Variants in NELL1 observed in about 807,000 individuals in gnomAD.
NELL1 encodes the protein neural EGFL like 1.
In NELL1, 76 loss-of-function variants were observed where a neutral mutation model predicts 107.4. That is an observed-to-expected ratio of 0.71 (90% CI 0.59 to 0.86). The LOEUF (loss-of-function observed/expected upper bound fraction) is 0.86, where lower values mean the gene tolerates loss of function less well. Ranked by LOEUF, NELL1 falls within the 40% of genes least tolerant of loss-of-function variation. The pLI, the probability that NELL1 is intolerant of heterozygous loss-of-function variation, is 0.00. For synonymous variants in NELL1, 353 were observed against 341.2 expected (o/e 1.03, Z -0.38); for missense variants, 1,024 against 1,005.5 (o/e 1.02, Z -0.25).
At chr11:21,256,328 A>G (rs1366412275) in intron 14 of NELL1, among the ~76,000 whole-genome samples, 2 of 152,066 alleles carry the variant, frequency 1.3e-5, no homozygotes, top group Non-Finnish European at 2.9e-5. Flanking sequence ...TAAATGCTAC[A>G]TTTAGTGGAT....
At chr11:21,573,049 G>C in intron 18 of NELL1, 136 bp from the exon 19 acceptor site, 3 of 673,778 alleles carry the variant, frequency 4.5e-6, no homozygotes, top group Non-Finnish European at 5.1e-6. Flanking sequence ...AGGAGGAAGT[G>C]TACTTTATCC....
chr11:21,544,721 G>A (rs944750097), intron 16 of NELL1, among the ~76,000 whole-genome samples: 1 of 151,656 alleles, frequency 6.6e-6, no homozygotes, highest in Non-Finnish European at 1.5e-5. Context: ...AAATGTATTT[G>A]GTCATATAAC....
rs3834446 is a variant in NELL1, at chr11:21,113,573, A to AT, written c.1301-8dup. On this transcript the variant is annotated splice_polypyrimidine_tract_variant and intron_variant, in intron 12 of 19. Coordinates refer to ENST00000357134, the MANE Select transcript of NELL1 (RefSeq NM_006157.5). ...TATTTTGCTAACCATGATCTTACTT[A>AT]TTTTTTTTCCTTCAGATATTGATGA... The AT allele has an allele frequency of 1.5e-4, 247 of 1,602,500 alleles. No individual in the cohort carries two copies. The East Asian group carries it at 3.7e-3, about 24-fold the overall frequency.
intron 4 of NELL1, among the ~76,000 whole-genome samples, chr11:20,852,941 A>G (rs993090742): frequency 2.6e-5 from 4 of 152,210 alleles, no homozygotes; most frequent in Non-Finnish European, 5.9e-5. Context: ...GTATTGCTAG[A>G]TTCCTGGTAG....
At chr11:20,925,315 C>T (rs56076989) in intron 7 of NELL1, among the ~76,000 whole-genome samples, 48,881 of 151,932 alleles carry the variant, frequency 0.32, 8,112 homozygotes, top group Admixed American at 0.42. Context: ...GAGTATCGCT[C>T]TGTTGCCCAG....
chr11:20,879,805 A>T (rs1170497348), intron 4 of NELL1, among the ~76,000 whole-genome samples: 1 of 152,226 alleles, frequency 6.6e-6, no homozygotes, highest in African/African-American at 2.4e-5. Context: ...AATTTTGAGT[A>T]ATTTACATAG....
chr11:20,890,395 G>A (rs949986621), intron 5 of NELL1, among the ~76,000 whole-genome samples: 4 of 152,066 alleles, frequency 2.6e-5, no homozygotes, highest in African/African-American at 9.7e-5. Context: ...ACAAACTCAC[G>A]AAGATGAGAA....
chr11:21,471,839 A>C (rs530117051), intron 15 of NELL1, among the ~76,000 whole-genome samples: 4 of 152,134 alleles, frequency 2.6e-5, no homozygotes, highest in Non-Finnish European at 5.9e-5. Flanking sequence ...GCATACATGC[A>C]TGCATACACA....
intron 16 of NELL1, among the ~76,000 whole-genome samples, chr11:21,547,294 T>C (rs571274792): frequency 6.6e-6 from 1 of 151,900 alleles, no homozygotes; most frequent in Admixed American, 6.6e-5. Context: ...AGCCTGATTA[T>C]AGATGTGGTC....
At chr11:21,377,646 T>C (rs981924922) in intron 15 of NELL1, among the ~76,000 whole-genome samples, 5 of 152,054 alleles carry the variant, frequency 3.3e-5, no homozygotes, top group African/African-American at 1.2e-4. Flanking sequence ...CTAGTAGAAT[T>C]TGACTGTGAA....
At chr11:21,529,006 C>T (rs1252935668) in intron 15 of NELL1, among the ~76,000 whole-genome samples, 1 of 151,704 alleles carries the variant, frequency 6.6e-6, no homozygotes, top group Non-Finnish European at 1.5e-5. Context: ...GGAAAAGGGT[C>T]TCTCATAATA....
At chr11:20,892,835 A>T (rs1391183459) in intron 5 of NELL1, among the ~76,000 whole-genome samples, 2 of 151,652 alleles carry the variant, frequency 1.3e-5, no homozygotes, top group Non-Finnish European at 2.9e-5. Context: ...AGGCTGAGAC[A>T]GGAGAATCGC....
Position 21,302,513 on chromosome 11 carries a change from G to C in NELL1, c.1550-68340G>C, listed in dbSNP as rs118045671. 1.2e-4 allele frequency among the ~76,000 whole-genome samples: 18 copies of C among 151,984 alleles called. No individual in the cohort carries two copies. In the East Asian group the frequency reaches 3.5e-3, roughly 30 times the overall value. ...CAGTTATGAAATTAAACTTAAAAAA[G>C]AATCTACATGAAAGGTGGGCTCATT... On this transcript the variant is annotated intron_variant, in intron 14 of 19. Coordinates refer to ENST00000357134, the MANE Select transcript of NELL1 (RefSeq NM_006157.5).
intron 15 of NELL1, among the ~76,000 whole-genome samples, chr11:21,394,884 A>G (rs1851948443): frequency 2.0e-5 from 3 of 151,498 alleles, no homozygotes; most frequent in Admixed American, 1.3e-4. Context: ...TCCACGAGCT[A>G]CAAGTTCTCC....
intron 15 of NELL1, among the ~76,000 whole-genome samples, chr11:21,389,720 T>A (rs148349255): frequency 1.1e-3 from 171 of 151,970 alleles, no homozygotes; most frequent in African/African-American, 4.0e-3. Flanking sequence ...ACATTAAATT[T>A]GTAAGATTTA....
chr11:20,706,917 G>T (rs568935827), intron 2 of NELL1, among the ~76,000 whole-genome samples: 3 of 152,258 alleles, frequency 2.0e-5, no homozygotes, highest in African/African-American at 7.2e-5. Flanking sequence ...GAATTTGAAT[G>T]TTGGCCTGCC....
At chr11:20,946,726 A>T (rs1850968943) in intron 10 of NELL1, among the ~76,000 whole-genome samples, 1 of 152,174 alleles carries the variant, frequency 6.6e-6, no homozygotes, top group Non-Finnish European at 1.5e-5. Flanking sequence ...TCTATGACAC[A>T]TTATAATACT....
intron 1 of NELL1, among the ~76,000 whole-genome samples, chr11:20,675,386 T>C (rs191425351): frequency 6.6e-6 from 1 of 152,310 alleles, no homozygotes; most frequent in African/African-American, 2.4e-5. Flanking sequence ...TCATCCGTCA[T>C]CTCATACTAT....
In NELL1 at chr11:20,897,696, A is replaced by G. The variant is rs1375126224; in HGVS notation, c.603+12156A>G. Among the ~76,000 whole-genome samples the G allele has an allele frequency of 2.6e-5, 4 of 152,330 alleles. No homozygotes were observed. In the East Asian group the frequency reaches 7.7e-4, roughly 29 times the overall value. On this transcript the variant is annotated intron_variant, in intron 5 of 19. Coordinates refer to ENST00000357134, the MANE Select transcript of NELL1 (RefSeq NM_006157.5). The stretch of plus-strand genomic sequence containing the variant: ...GACAAAGGGCTAATATCCAGAATCT[A>G]CAATGAACTCAAACAAATTTACAAG...
Sources: allele counts gnomAD v4.1 joint callset (sites outside exome capture counted in the v4.1 genomes callset), GRCh38; gene constraint gnomAD v4.1.1; transcripts MANE v1.5; gene names NCBI Gene and HGNC (gene_info 2026-07-23, HGNC 2026-07-21).